The following SYT3 variants were observed in gnomAD, a reference collection of about 807,000 sequenced individuals.
SYT3 encodes synaptotagmin-3.
SYT3 carries 25 observed loss-of-function variants against 50.6 expected under a neutral mutation model. That is an observed-to-expected ratio of 0.49 (90% CI 0.36 to 0.69). The LOEUF (loss-of-function observed/expected upper bound fraction) is 0.69. Among genes scored for constraint, SYT3 ranks in the 30% least tolerant of loss-of-function variants. SYT3 has a pLI of 0.00. For synonymous variants in SYT3, 323 were observed against 353.9 expected, an observed-to-expected ratio of 0.91 and a Z score of 0.98; for missense variants, 589 against 793.6, an observed-to-expected ratio of 0.74 and a Z score of 3.10.
chr19:50,627,139 G>A, intron 6 of SYT3, among the ~76,000 whole-genome samples: 1 of 152,176 alleles, frequency 6.6e-6, no homozygotes, highest in East Asian at 1.9e-4. Flanking sequence ...TGACCAACCT[G>A]GCCTAGCCCT....
the SYT3 span, among the ~76,000 whole-genome samples, chr19:50,653,845 G>C: frequency 6.6e-6 from 1 of 151,956 alleles, no homozygotes; most frequent in Non-Finnish European, 1.5e-5. Context: ...CTCTGGATGG[G>C]AGACTGATGG....
chr19:50,635,574 T>G (rs1984470432), intron 3 of SYT3, among the ~76,000 whole-genome samples: 1 of 152,184 alleles, frequency 6.6e-6, no homozygotes, highest in Non-Finnish European at 1.5e-5. Flanking sequence ...TCCTGCCTGA[T>G]TAGAGTGTCT....
At chr19:50,634,708 T>C (rs979927760) in intron 3 of SYT3, among the ~76,000 whole-genome samples, 1 of 151,062 alleles carries the variant, frequency 6.6e-6, no homozygotes, top group African/African-American at 2.4e-5. Context: ...CTGAGCCTCC[T>C]GAGTAGCTGG....
intron 4 of SYT3, among the ~76,000 whole-genome samples, chr19:50,630,401 C>T (rs1984259379): frequency 2.0e-5 from 3 of 150,552 alleles, no homozygotes; most frequent in Non-Finnish European, 4.4e-5. Context: ...TCCCTCCCTC[C>T]CTCCCTTCTT....
At position 50,632,382 on chromosome 19, in the gene SYT3, C is replaced by A. The variant is rs1197818694; in HGVS notation, c.578G>T (p.Gly193Val). The change falls in exon 4 of 11, where the codon GGA (glycine) becomes GTA (valine). Residue 193 changes from glycine (G) to valine (V), a missense_variant. By Grantham distance (109) the Gly-to-Val change is moderately radical. This residue lies in a region of SYT3 where 316 missense variants were observed against 354.3 expected (regional missense o/e 0.89). Coordinates refer to ENST00000600079, the MANE Select transcript of SYT3 (RefSeq NM_001160329.2). The surrounding 1 kb of genome is among the most constrained non-coding windows in gnomAD (Gnocchi z 4.7). Reference protein sequence around the residue: ...QTSPELPSEGGAGSGLLLLPP... With the variant: ...QTSPELPSEGVAGSGLLLLPP... The stretch of plus-strand genomic sequence containing the variant: ...CAGCAGGAGCAACCCAGAGCCTGCT[C>A]CCCCCTCAGAGGGCAGCTCAGGGGA... 6.2e-7 allele frequency: 1 copy of A among 1,612,888 alleles called. No individual in the cohort carries two copies.
chr19:50,650,021 A>C, the SYT3 span, among the ~76,000 whole-genome samples: 1 of 151,930 alleles, frequency 6.6e-6, no homozygotes, highest in South Asian at 2.1e-4. Flanking sequence ...GCCCTGTCCC[A>C]GGTCTCATCC....
chr19:50,631,167 C>CTTT (rs869146014), intron 4 of SYT3, among the ~76,000 whole-genome samples: 3 of 20,712 alleles, frequency 1.4e-4, no homozygotes, highest in Admixed American at 7.8e-4. Context: ...TTCTTTCTTT[C>CTTT]TTTTTTTTTT....
At chr19:50,627,726 C>CAAAA (rs36099001) in intron 6 of SYT3, among the ~76,000 whole-genome samples, 16 of 96,364 alleles carry the variant, frequency 1.7e-4, no homozygotes, top group African/African-American at 6.2e-4. Flanking sequence ...GACTCTGTCT[C>CAAAA]AAAAAAAAAA....
At chr19:50,622,639 C>T (rs118078846) in intron 10 of SYT3, 48 bp downstream of exon 10, 82,091 of 1,125,780 alleles carry the variant, frequency 0.073, 8,042 homozygotes, top group Middle Eastern at 0.14. Flanking sequence ...CTCCCTCAGA[C>T]GCAGGCATCT....
chr19:50,652,476 C>T, the SYT3 span, among the ~76,000 whole-genome samples: 777 of 152,122 alleles, frequency 5.1e-3, 5 homozygotes, highest in African/African-American at 0.016. Flanking sequence ...ATCAGTGGAC[C>T]CTCAGGGAGA....
chr19:50,635,841 C>T (rs1467771373), intron 3 of SYT3, among the ~76,000 whole-genome samples: 2 of 152,232 alleles, frequency 1.3e-5, no homozygotes, highest in East Asian at 1.9e-4. Context: ...TGTGACTCCA[C>T]TGGGAGAGGA....
the SYT3 span, among the ~76,000 whole-genome samples, chr19:50,650,901 C>T: frequency 6.6e-6 from 1 of 152,180 alleles, no homozygotes; most frequent in Non-Finnish European, 1.5e-5. Context: ...ACTGAGGCAC[C>T]CACGTGACAT....
Position 50,625,756 on chromosome 19 carries a change from G to T in SYT3, c.1402+141C>A. 1 of 921,914 alleles carries T rather than the reference G, an allele frequency of 1.1e-6. No individual in the cohort carries two copies. The highest frequency in any genetic ancestry group is 1.6e-5 in the South Asian group (1 of 61,024). The allele number at this position is 921,914 out of a possible 1,614,324, so 57.1% of individuals were successfully genotyped here. A position where few individuals can be genotyped will look rare whatever the true frequency, so the allele number is the denominator to read the frequency against. On this transcript the variant is annotated intron_variant, in intron 7 of 10. Coordinates refer to ENST00000600079, the MANE Select transcript of SYT3 (RefSeq NM_001160329.2). The surrounding 1 kb of genome is among the most constrained non-coding windows in gnomAD (Gnocchi z 7.5). ...TCCGACCCAGGAGTCCAGGCCCCTG[G>T]CCCCTCCTCCCTCAGACCCAGGAGT...
chr19:50,649,673 T>A, the SYT3 span: 1 of 805,082 alleles, frequency 1.2e-6, no homozygotes, highest in Non-Finnish European at 2.1e-6. Context: ...AGCGGCCCCC[T>A]TGGACCTCAA....
intron 5 of SYT3, 47 bp from the exon 6 acceptor site, chr19:50,629,559 C>T (rs1984203221): frequency 1.3e-6 from 2 of 1,556,158 alleles, no homozygotes; most frequent in South Asian, 2.3e-5. Flanking sequence ...CCATAAGCCC[C>T]TCCTCCACAG....
chr19:50,652,097 C>T, the SYT3 span, among the ~76,000 whole-genome samples: 1 of 152,184 alleles, frequency 6.6e-6, no homozygotes, highest in Non-Finnish European at 1.5e-5. Context: ...GATCCTCCTG[C>T]CTCAGCCTCC....
the SYT3 span, among the ~76,000 whole-genome samples, chr19:50,652,359 C>T: frequency 2.0e-5 from 3 of 152,086 alleles, no homozygotes; most frequent in East Asian, 1.9e-4. Context: ...CCTGCCCTTA[C>T]GTTGCTCAGA....
chr19:50,636,943 G>A (rs188976500), intron 3 of SYT3, among the ~76,000 whole-genome samples: 192 of 152,310 alleles, frequency 1.3e-3, no homozygotes, highest in Admixed American at 3.1e-3. Flanking sequence ...TATTAATAAA[G>A]TGAGGGAGAT....
the SYT3 span, chr19:50,657,978 G>A: frequency 1.3e-6 from 2 of 1,519,616 alleles, no homozygotes; most frequent in Non-Finnish European, 1.8e-6. Flanking sequence ...TTCTCTCTCC[G>A]ACACCCGCAG....
Sources: allele counts gnomAD v4.1 joint callset (sites outside exome capture counted in the v4.1 genomes callset), GRCh38; gene constraint gnomAD v4.1.1; regional missense constraint gnomAD v4.1.1; non-coding constraint Gnocchi (gnomAD v3.1); transcripts MANE v1.5; gene names NCBI Gene and HGNC (gene_info 2026-07-23, HGNC 2026-07-21).